Variants in DOCK2 observed in about 807,000 individuals in gnomAD.
DOCK2 encodes the protein dedicator of cytokinesis protein 2.
In DOCK2, 87 loss-of-function variants were observed where a neutral mutation model predicts 248.9. That is an observed-to-expected ratio of 0.35 (90% CI 0.29 to 0.42). The LOEUF is 0.42. DOCK2 is among the 10% of genes least tolerant of loss of function. The pLI, the probability that DOCK2 is intolerant of heterozygous loss-of-function variation, is 1.00. For synonymous variants in DOCK2, 805 were observed against 821.6 expected (o/e 0.98, Z 0.35); for missense variants, 1,747 against 2,300.2 (o/e 0.76, Z 4.92).
intron 27 of DOCK2, among the ~76,000 whole-genome samples, chr5:169,972,593 TAGATAGATA>T (rs1777558678): frequency 7.4e-6 from 1 of 135,448 alleles, no homozygotes; most frequent in African/African-American, 3.1e-5. Context: ...AGATGATAGA[TAGATAGATA>T]GATAGATAGA....
intron 27 of DOCK2, among the ~76,000 whole-genome samples, chr5:169,888,946 C>T (rs1025730667): frequency 1.3e-5 from 2 of 152,130 alleles, no homozygotes; most frequent in Admixed American, 6.5e-5. Flanking sequence ...ATCTCCCTGC[C>T]GTCTCTGTAC....
intron 8 of DOCK2, among the ~76,000 whole-genome samples, chr5:169,688,711 G>C (rs531612879): frequency 1.3e-5 from 2 of 152,084 alleles, no homozygotes; most frequent in African/African-American, 4.8e-5. Context: ...TGTTACAATG[G>C]CATTTAAACA....
intron 26 of DOCK2, among the ~76,000 whole-genome samples, chr5:169,807,057 G>A (rs921773823): frequency 6.6e-6 from 1 of 152,008 alleles, no homozygotes; most frequent in Admixed American, 6.6e-5. Context: ...TGGGCAGGGC[G>A]TCACTGGCTG....
At chr5:170,014,754 G>A (rs573962299) in intron 32 of DOCK2, among the ~76,000 whole-genome samples, 3 of 152,180 alleles carry the variant, frequency 2.0e-5, no homozygotes, top group Non-Finnish European at 2.9e-5. Flanking sequence ...CAGTAGGCAG[G>A]TGGAGGGAGG....
intron 3 of DOCK2, among the ~76,000 whole-genome samples, chr5:169,670,149 G>A (rs1758965280): frequency 6.6e-6 from 1 of 152,300 alleles, no homozygotes; most frequent in Non-Finnish European, 1.5e-5. Context: ...TCCGGAATCG[G>A]GCAGGCAATG....
At chr5:169,853,732 A>G (rs1770731544) in intron 27 of DOCK2, among the ~76,000 whole-genome samples, 1 of 149,624 alleles carries the variant, frequency 6.7e-6, no homozygotes, top group Non-Finnish European at 1.5e-5. Context: ...CTTAAAGGGA[A>G]CATGACTTGC....
Position 169,956,302 on chromosome 5 carries a change from C to T in DOCK2, c.2800-26766C>T, listed in dbSNP as rs547368256. 9.2e-5 allele frequency among the ~76,000 whole-genome samples: 14 copies of T among 152,262 alleles called. No homozygotes were observed. In the South Asian group the frequency reaches 1.5e-3, roughly 16 times the overall value. ...CAGAGATAGTTGGAGTGCCTGGGAG[C>T]GGCTAGAAAAAATTAGGGAAATGAT... On this transcript the variant is annotated intron_variant, in intron 27 of 51. Coordinates refer to ENST00000520908, the MANE Select transcript of DOCK2 (RefSeq NM_004946.3).
At chr5:170,045,560 A>C (rs1369332051) in intron 38 of DOCK2, among the ~76,000 whole-genome samples, 4 of 152,178 alleles carry the variant, frequency 2.6e-5, no homozygotes, top group African/African-American at 9.7e-5. Flanking sequence ...GGTTGTGAAG[A>C]ATCAGAGCAC....
At chr5:169,718,609 T>A in intron 21 of DOCK2, 48 bp from the exon 22 acceptor site, 1 of 1,590,344 alleles carries the variant, frequency 6.3e-7, no homozygotes, top group Non-Finnish European at 8.6e-7. Flanking sequence ...AGCAAACTAA[T>A]TACCATGATG....
chr5:169,925,991 C>T (rs576644544), intron 27 of DOCK2, among the ~76,000 whole-genome samples: 29 of 152,116 alleles, frequency 1.9e-4, no homozygotes, highest in Non-Finnish European at 2.9e-4. Flanking sequence ...CCCAGGAGCT[C>T]GCAACACACC....
chr5:169,644,820 G>A (rs1201445619), intron 1 of DOCK2, among the ~76,000 whole-genome samples: 1 of 151,936 alleles, frequency 6.6e-6, no homozygotes, highest in Non-Finnish European at 1.5e-5. Flanking sequence ...ACAGGCCCCA[G>A]TGTGTGATGT....
At chr5:169,836,819 A>G (rs961617441) in intron 26 of DOCK2, among the ~76,000 whole-genome samples, 5 of 152,182 alleles carry the variant, frequency 3.3e-5, no homozygotes, top group African/African-American at 1.2e-4. Context: ...GGTATCATGA[A>G]AAGTGTTGAA....
intron 44 of DOCK2, among the ~76,000 whole-genome samples, chr5:170,062,003 G>A (rs1757343127): frequency 6.6e-6 from 1 of 152,178 alleles, no homozygotes; most frequent in South Asian, 2.1e-4. Context: ...TTAACATTAT[G>A]TGTGTGCATG....
intron 27 of DOCK2, among the ~76,000 whole-genome samples, chr5:169,868,517 G>A (rs1325620534): frequency 6.6e-6 from 1 of 152,148 alleles, no homozygotes; most frequent in Non-Finnish European, 1.5e-5. Context: ...CCAGCACTTC[G>A]AAAGACCCAG....
At chr5:169,871,295 T>C (rs191972679) in intron 27 of DOCK2, among the ~76,000 whole-genome samples, 78 of 152,296 alleles carry the variant, frequency 5.1e-4, no homozygotes, top group African/African-American at 1.7e-3. Flanking sequence ...CCTAACTCTT[T>C]CCAGCATTTT....
At chr5:169,758,519 T>C (rs1213095312) in intron 23 of DOCK2, among the ~76,000 whole-genome samples, 1 of 151,982 alleles carries the variant, frequency 6.6e-6, no homozygotes, top group Non-Finnish European at 1.5e-5. Flanking sequence ...GATGAAGGCA[T>C]AGAGAGAGAG....
At chr5:169,885,659 A>G (rs1346745201) in intron 27 of DOCK2, among the ~76,000 whole-genome samples, 1 of 152,146 alleles carries the variant, frequency 6.6e-6, no homozygotes, top group Non-Finnish European at 1.5e-5. Flanking sequence ...AATTAAAACA[A>G]CTCATATTTA....
At chr5:170,078,032 AG>A (rs1478908755) in intron 48 of DOCK2, among the ~76,000 whole-genome samples, 195 bp downstream of exon 48, 1 of 152,136 alleles carries the variant, frequency 6.6e-6, no homozygotes. Flanking sequence ...GGATTATCAG[AG>A]GCTCAGAGAG....
At chr5:169,693,538 A>G (rs925695801) in intron 9 of DOCK2, among the ~76,000 whole-genome samples, 13 of 152,144 alleles carry the variant, frequency 8.5e-5, no homozygotes, top group African/African-American at 3.1e-4. Flanking sequence ...AGATTTCAGG[A>G]TGGTTTGGAG....
Sources: gnomAD v4.1 joint callset for allele counts (sites outside exome capture counted in the v4.1 genomes callset) on GRCh38, gnomAD v4.1.1 for gene constraint, MANE v1.5 for transcripts, NCBI Gene and HGNC (gene_info 2026-07-23, HGNC 2026-07-21) for gene names.